Variants in ZDHHC6 observed in about 807,000 individuals in gnomAD.
The protein encoded by ZDHHC6 is zDHHC palmitoyltransferase 6, also known as palmitoyltransferase ZDHHC6.
In ZDHHC6, 32 loss-of-function variants were observed where a neutral mutation model predicts 57.8. That is an observed-to-expected ratio of 0.55 (90% confidence interval 0.42 to 0.74). The LOEUF (loss-of-function observed/expected upper bound fraction) is 0.74. ZDHHC6 is among the 30% of genes least tolerant of loss of function. ZDHHC6 has a pLI of 0.00. For missense variants in ZDHHC6, 433 were observed against 500.7 expected (o/e 0.86, Z 1.29); for synonymous variants, 128 against 158.0 (o/e 0.81, Z 1.42).
At chr10:112,427,516 G>A (rs1301908261), downstream of ZDHHC6, 3 of 567,424 alleles carry the variant, frequency 5.3e-6, no homozygotes, top group African/African-American at 3.9e-5. Flanking sequence ...CATATAATGT[G>A]TAAACTTAGT....
chr10:112,447,482 C>G (rs779865637), upstream of ZDHHC6: 14 of 1,612,006 alleles, frequency 8.7e-6, no homozygotes, highest in Non-Finnish European at 1.1e-5. Flanking sequence ...GAGCCTTGCC[C>G]GGCTGGACGA....
chr10:112,432,284 T>C lies in ZDHHC6; in HGVS notation c.1094A>G (p.Tyr365Cys), dbSNP rs1439122521. Residue 365 changes from tyrosine to cysteine, a missense_variant and splice_region_variant, in exon 10 of 11, where the codon TAC (tyrosine) becomes TGC (cysteine). Transcript: ENST00000369405. ...EFILATRGLRYWLYGDKILDD... is the reference protein window; with the variant it reads ...EFILATRGLRCWLYGDKILDD... ...AAGAATTTTGTCTCCATATAACCAG[T>C]ATCTGAAATATTTAAAAGATGAAAA... The C allele has an allele frequency of 6.2e-7, 1 of 1,607,884 alleles. No individual in the cohort carries two copies.
downstream of ZDHHC6, chr10:112,427,260 A>C (rs200993829): frequency 5.3e-5 from 86 of 1,613,656 alleles, no homozygotes; most frequent in Non-Finnish European, 6.8e-5. Context: ...TTCCATTGAA[A>C]ATGGGCTCTT....
At chr10:112,447,317 C>T (rs1846878418), upstream of ZDHHC6, 1 of 1,570,566 alleles carries the variant, frequency 6.4e-7, no homozygotes, top group African/African-American at 1.4e-5. Context: ...CTCGCTGCCC[C>T]TCGAGGCCCT....
chr10:112,437,426 A>G (rs1845647135), intron 6 of ZDHHC6, among the ~76,000 whole-genome samples: 1 of 152,208 alleles, frequency 6.6e-6, no homozygotes, highest in African/African-American at 2.4e-5. Flanking sequence ...AATCTTATTG[A>G]TAAGAAATAT....
upstream of ZDHHC6, chr10:112,447,503 G>T (rs1267062835): frequency 3.1e-6 from 5 of 1,606,448 alleles, no homozygotes; most frequent in South Asian, 1.1e-5. Context: ...GGGTGCTGGG[G>T]AGAGCTGGGA....
downstream of ZDHHC6, chr10:112,428,202 G>A: frequency 2.7e-6 from 1 of 368,444 alleles, no homozygotes; most frequent in Admixed American, 4.6e-5. Context: ...CTCCTGAACT[G>A]GGAACAAAGA....
At chr10:112,428,695 C>T (rs1024217443), downstream of ZDHHC6, among the ~76,000 whole-genome samples, 4 of 151,746 alleles carry the variant, frequency 2.6e-5, no homozygotes, top group East Asian at 5.8e-4. Context: ...GGCATGAACC[C>T]GAGAGGCGGA....
Position 112,445,470 on chromosome 10 carries a change from G to T in ZDHHC6, c.-34C>A, listed in dbSNP as rs376141339. On this transcript the variant is annotated 5_prime_UTR_variant, in exon 2 of 11. Transcript: ENST00000369405. ...GGAAGAATGCCTTCCTACTTTAAAA[G>T]AATTATAGATTTCCTTTTTCTGTGC... 161 of 1,598,236 alleles carry T rather than the reference G, an allele frequency of 1.0e-4. No homozygotes were observed. Among genetic ancestry groups the T allele is most frequent in the Non-Finnish European group, 1.3e-4 (156 of 1,171,682 alleles).
downstream of ZDHHC6, chr10:112,426,977 T>A (rs774756525): frequency 8.8e-6 from 9 of 1,018,038 alleles, no homozygotes; most frequent in Non-Finnish European, 1.3e-5. Flanking sequence ...TTTGTGCCAT[T>A]AACTACAAAA....
chr10:112,432,167 A>G, intron 10 of ZDHHC6, 73 bp downstream of exon 10: 1 of 1,461,574 alleles, frequency 6.8e-7, no homozygotes, highest in Admixed American at 2.3e-5. Flanking sequence ...TTGGTTTATA[A>G]AAGTTATTCT....
intron 6 of ZDHHC6, among the ~76,000 whole-genome samples, chr10:112,437,964 T>C (rs1845706800): frequency 6.8e-6 from 1 of 146,160 alleles, no homozygotes; most frequent in African/African-American, 2.6e-5. Context: ...CTTCATTGAA[T>C]GTCTAAAACA....
intron 4 of ZDHHC6, among the ~76,000 whole-genome samples, chr10:112,441,247 G>T (rs956483420): frequency 2.0e-5 from 3 of 152,198 alleles, no homozygotes; most frequent in African/African-American, 7.2e-5. Flanking sequence ...TCCTCAGAAA[G>T]TGTCAAGGAG....
In ZDHHC6 at chr10:112,446,905, C is replaced by T. The variant is rs2133983255; in HGVS notation, c.-415G>A. ...GAGCACCTCTCGGCCAGCGCCCTCGCCAGGACTCTCCCGCTCAGGCCCCCT... is the reference window on the plus strand; with the variant it reads ...GAGCACCTCTCGGCCAGCGCCCTCGTCAGGACTCTCCCGCTCAGGCCCCCT... On this transcript the variant is annotated 5_prime_UTR_variant, in exon 1 of 11. Transcript: ENST00000369405. 5.1e-6 allele frequency: 1 copy of T among 195,444 alleles called. No individual in the cohort carries two copies. The highest frequency in any genetic ancestry group is 8.2e-5 in the East Asian group (1 of 12,218). 12.1% of individuals were successfully genotyped at this position (195,444 alleles called of 1,614,324 possible).
At chr10:112,424,533 G>A (rs1230447607) in exon 12 of ZDHHC6, 2 of 152,188 alleles carry the variant, frequency 1.3e-5, no homozygotes, top group Non-Finnish European at 2.9e-5. Context: ...TAGGATGTAA[G>A]CAACAGATAT....
rs139883414 is a variant in ZDHHC6, at chr10:112,444,435, C to T, written c.267+735G>A. ...TTTGCACAAGTGCGTTTGTTTCTTG[C>T]TTAGGTTATAAGCTCTTTCAGAGTT... On this transcript the variant is annotated intron_variant, in intron 2 of 10. Transcript: ENST00000369405. Among the ~76,000 whole-genome samples the T allele has an allele frequency of 7.5e-3, 1,150 of 152,336 alleles. 13 individuals are homozygous for T. The highest frequency in any genetic ancestry group is 0.026 in the African/African-American group (1,085 of 41,576).
In ZDHHC6 at chr10:112,433,300, AAG is replaced by A; in HGVS notation, c.904-21_904-20del. ...GTTCTATCTGTTTGGAAGAAATAAA[AAG>A]AAAAAAATGAAGTCTCTTGTCTCAA... On this transcript the variant is annotated intron_variant, in intron 7 of 10. Coordinates refer to ENST00000369405, the MANE Select transcript of ZDHHC6 (RefSeq NM_022494.3). 6.4e-7 allele frequency: 1 copy of A among 1,550,618 alleles called. No homozygotes were observed. The highest frequency in any genetic ancestry group is 8.7e-7 in the Non-Finnish European group (1 of 1,151,998).
chr10:112,428,770 C>A (rs1564748486), downstream of ZDHHC6, among the ~76,000 whole-genome samples: 1 of 144,106 alleles, frequency 6.9e-6, no homozygotes, highest in African/African-American at 2.6e-5. Flanking sequence ...GACTCTGTCT[C>A]AAAAAAAAAA....
At chr10:112,441,173 C>A (rs1024483743) in intron 4 of ZDHHC6, among the ~76,000 whole-genome samples, 18 of 152,158 alleles carry the variant, frequency 1.2e-4, no homozygotes, top group Non-Finnish European at 2.2e-4. Context: ...TAGTAATGAG[C>A]TCGGACCGAT....
Sources: allele counts gnomAD v4.1 joint callset (sites outside exome capture counted in the v4.1 genomes callset), GRCh38; gene constraint gnomAD v4.1.1; transcripts MANE v1.5; gene names NCBI Gene and HGNC (gene_info 2026-07-23, HGNC 2026-07-21).